Variants in TTC8 observed in about 807,000 individuals in gnomAD.
The protein encoded by TTC8 is tetratricopeptide repeat domain 8.
Under a neutral mutation model 72.5 loss-of-function variants are expected in TTC8, and 47 were observed. That is an observed-to-expected ratio of 0.65 (90% CI 0.51 to 0.83). The LOEUF (loss-of-function observed/expected upper bound fraction) is 0.83. TTC8 is among the 40% of genes least tolerant of loss of function. TTC8 has a pLI of 0.00. For synonymous variants in TTC8, 199 were observed against 221.4 expected (o/e 0.90, Z 0.90); for missense variants, 611 against 623.2 (o/e 0.98, Z 0.21).
intron 6 of TTC8, among the ~76,000 whole-genome samples, chr14:88,841,940 A>C (rs1004341493): frequency 6.6e-6 from 1 of 152,196 alleles, no homozygotes; most frequent in Non-Finnish European, 1.5e-5. Context: ...TTAGTAATTT[A>C]TCAGGCATCT....
At chr14:88,836,175 C>G (rs1566833626) in intron 2 of TTC8, among the ~76,000 whole-genome samples, 3 of 152,168 alleles carry the variant, frequency 2.0e-5, no homozygotes, top group East Asian at 3.9e-4. Context: ...AAAGTGGATT[C>G]TTACGGAATA....
At position 88,857,276 on chromosome 14, in the gene TTC8, AAG is replaced by A; in HGVS notation, c.798_798+1del. 2.5e-6 allele frequency: 4 copies of A among 1,613,128 alleles called. No homozygotes were observed. The highest frequency in any genetic ancestry group is 2.5e-6 in the Non-Finnish European group (3 of 1,179,206). Reference sequence around the variant, plus strand: ...GTAGATACATTTCTGTACTTGGCAAAAGTAAGTAAATCTTAATTTGAGTGAAA... The same window carrying A: ...GTAGATACATTTCTGTACTTGGCAAATAAGTAAATCTTAATTTGAGTGAAA... On this transcript the variant is annotated splice_donor_variant and coding_sequence_variant, in exon 9 of 15. Transcript: ENST00000380656. LOFTEE classifies it high-confidence loss of function.
chr14:88,879,513 G>A (rs898685841), downstream of TTC8: 1 of 151,960 alleles, frequency 6.6e-6, no homozygotes, highest in Non-Finnish European at 1.5e-5. Context: ...TTTTACAAAT[G>A]TGTCATGGCT....
At position 88,871,772 on chromosome 14, in the gene TTC8, CCAGACA is replaced by C. The variant is rs377039371; in HGVS notation, c.1224+53_1224+58del. ...TTCTGTTATAGAAAGTTGGTTTGAG[CCAGACA>C]CAGTGGCTCATGCCTATAATTCCAG... On this transcript the variant is annotated intron_variant, in intron 12 of 14. Coordinates refer to ENST00000380656, the MANE Select transcript of TTC8 (RefSeq NM_144596.4). The surrounding 1 kb of genome is among the most constrained non-coding windows in gnomAD (Gnocchi z 4.1). The C allele has an allele frequency of 4.7e-5, 76 of 1,600,054 alleles. No homozygotes were observed. In the African/African-American group the frequency reaches 5.9e-4, roughly 12 times the overall value.
chr14:88,857,374 A>G, intron 9 of TTC8, 97 bp downstream of exon 9: 1 of 1,073,624 alleles, frequency 9.3e-7, no homozygotes, highest in Non-Finnish European at 1.4e-6. Flanking sequence ...CTTCAGGAAT[A>G]TTTGGCAAGT....
At chr14:88,831,391 T>C (rs2094725307) in intron 1 of TTC8, among the ~76,000 whole-genome samples, 1 of 152,220 alleles carries the variant, frequency 6.6e-6, no homozygotes, top group Non-Finnish European at 1.5e-5. Flanking sequence ...GAGCCCATAG[T>C]TGCTGATTCT....
At chr14:88,839,704 G>A in intron 3 of TTC8, 132 bp downstream of exon 3, 3 of 1,101,542 alleles carry the variant, frequency 2.7e-6, no homozygotes, top group Admixed American at 2.4e-5. Flanking sequence ...AAACAAAAAT[G>A]ATGAAAAAAC....
intron 2 of TTC8, among the ~76,000 whole-genome samples, chr14:88,834,684 G>T (rs183002608): frequency 7.4e-4 from 113 of 151,986 alleles, no homozygotes; most frequent in African/African-American, 2.6e-3. Flanking sequence ...CAAACTGATA[G>T]ATGGGGCAAA....
chr14:88,840,593 T>C (rs751841029), intron 3 of TTC8, among the ~76,000 whole-genome samples: 8 of 152,328 alleles, frequency 5.3e-5, no homozygotes, highest in Non-Finnish European at 1.0e-4. Context: ...GCCCTACTAA[T>C]AGGTTGACCT....
At chr14:88,876,946 C>T (rs1328502814) in intron 14 of TTC8, among the ~76,000 whole-genome samples, 1 of 152,062 alleles carries the variant, frequency 6.6e-6, no homozygotes, top group Admixed American at 6.6e-5. Flanking sequence ...GTAAATATCA[C>T]TTTACGTTTA....
At chr14:88,826,341 C>T (rs2094700522) in intron 1 of TTC8, among the ~76,000 whole-genome samples, 1 of 152,010 alleles carries the variant, frequency 6.6e-6, no homozygotes, top group South Asian at 2.1e-4. Context: ...AAAAAATACA[C>T]AATCAAATAT....
intron 2 of TTC8, among the ~76,000 whole-genome samples, chr14:88,836,509 G>C (rs2094752007): frequency 7.0e-6 from 1 of 143,642 alleles, no homozygotes; most frequent in Non-Finnish European, 1.5e-5. Flanking sequence ...AAAAAAAAAA[G>C]TTCCTATTTG....
At chr14:88,841,590 A>G in intron 6 of TTC8, 76 bp downstream of exon 6, 15 of 1,254,990 alleles carry the variant, frequency 1.2e-5, no homozygotes, top group Non-Finnish European at 1.8e-5. Context: ...GAAAATGAAT[A>G]AAAACTTGTG....
At chr14:88,826,363 G>C (rs1263688383) in intron 1 of TTC8, among the ~76,000 whole-genome samples, 1 of 152,034 alleles carries the variant, frequency 6.6e-6, no homozygotes, top group Non-Finnish European at 1.5e-5. Flanking sequence ...TTTGGGACTT[G>C]TGACAAAATA....
intron 7 of TTC8, 112 bp downstream of exon 7, chr14:88,843,962 T>C: frequency 1.3e-6 from 1 of 795,670 alleles, no homozygotes; most frequent in South Asian, 1.7e-5. Flanking sequence ...TTATTAAAGA[T>C]TGGAGAACTA....
At chr14:88,856,613 G>A (rs1040490400) in intron 8 of TTC8, among the ~76,000 whole-genome samples, 2 of 152,070 alleles carry the variant, frequency 1.3e-5, no homozygotes, top group Non-Finnish European at 2.9e-5. Context: ...TCATATTTAG[G>A]CAAGGAGCAA....
chr14:88,843,399 C>G (rs2094791245), intron 6 of TTC8, among the ~76,000 whole-genome samples: 1 of 152,058 alleles, frequency 6.6e-6, no homozygotes, highest in African/African-American at 2.4e-5. Context: ...CAAAAAACAC[C>G]CTGCTTTACC....
At chr14:88,874,013 T>C (rs2094946571) in intron 13 of TTC8, among the ~76,000 whole-genome samples, 1 of 152,216 alleles carries the variant, frequency 6.6e-6, no homozygotes, top group Non-Finnish European at 1.5e-5. Flanking sequence ...AGATTTGTAG[T>C]TTACAGACTG....
At chr14:88,873,959 G>A (rs1290687775) in intron 13 of TTC8, among the ~76,000 whole-genome samples, 1 of 152,098 alleles carries the variant, frequency 6.6e-6, no homozygotes, top group Non-Finnish European at 1.5e-5. Flanking sequence ...AAAGGTCATT[G>A]GATGTTACCT....
Sources: allele counts gnomAD v4.1 joint callset (sites outside exome capture counted in the v4.1 genomes callset), GRCh38; gene constraint gnomAD v4.1.1; non-coding constraint Gnocchi (gnomAD v3.1); transcripts MANE v1.5; gene names NCBI Gene and HGNC (gene_info 2026-07-23, HGNC 2026-07-21).